Variants in MYZAP observed in about 807,000 individuals in gnomAD.
The protein encoded by MYZAP is myocardial zonula adherens protein.
A neutral mutation model predicts 69.4 loss-of-function variants in MYZAP; 66 were observed. That is an observed-to-expected ratio of 0.95 (90% CI 0.78 to 1.17). MYZAP has a LOEUF of 1.17. MYZAP is among the 50% of genes most tolerant of loss of function. The pLI is 0.00. For missense variants in MYZAP, 611 were observed against 556.2 expected, an observed-to-expected ratio of 1.10 and a Z score of -0.99; for synonymous variants, 256 against 205.9, an observed-to-expected ratio of 1.24 and a Z score of -2.09.
At chr15:57,629,262 C>T (rs550421856) in intron 5 of MYZAP, among the ~76,000 whole-genome samples, 3 of 152,164 alleles carry the variant, frequency 2.0e-5, no homozygotes, top group Non-Finnish European at 2.9e-5. Context: ...CAGATTTCCT[C>T]CTGGTCTTTT....
At chr15:57,596,296 C>T (rs1463533125) in intron 1 of MYZAP, among the ~76,000 whole-genome samples, 2 of 152,198 alleles carry the variant, frequency 1.3e-5, no homozygotes, top group African/African-American at 4.8e-5. Flanking sequence ...GCTGGTGTCA[C>T]TAAGCCCTGG....
At chr15:57,601,292 G>GTC (rs1555455499) in intron 1 of MYZAP, among the ~76,000 whole-genome samples, 1 of 151,684 alleles carries the variant, frequency 6.6e-6, no homozygotes, top group Non-Finnish European at 1.5e-5. Flanking sequence ...GTGTGTGTGT[G>GTC]TGTGTGTGAT....
At chr15:57,600,091 A>G (rs1245893830) in intron 1 of MYZAP, among the ~76,000 whole-genome samples, 1 of 152,250 alleles carries the variant, frequency 6.6e-6, no homozygotes, top group Non-Finnish European at 1.5e-5. Context: ...TTATCAGGGT[A>G]TATTTAAAAA....
chr15:57,624,398 T>C (rs145591107), intron 4 of MYZAP, among the ~76,000 whole-genome samples: 2,245 of 152,220 alleles, frequency 0.015, 29 homozygotes, highest in South Asian at 0.045. Flanking sequence ...CTACCCCATT[T>C]CTTGATTATA....
At chr15:57,641,483 C>G (rs1409256941) in intron 10 of MYZAP, among the ~76,000 whole-genome samples, 3 of 152,042 alleles carry the variant, frequency 2.0e-5, no homozygotes, top group African/African-American at 7.3e-5. Flanking sequence ...TTTTTTCTAC[C>G]TGTGATTTCA....
At chr15:57,681,356 A>G (rs4774281) in intron 12 of MYZAP, among the ~76,000 whole-genome samples, 16,435 of 152,198 alleles carry the variant, frequency 0.11, 1,083 homozygotes, top group Middle Eastern at 0.18. Context: ...TTTGTAATTC[A>G]TATGTGGGGT....
At chr15:57,646,297 G>A in intron 10 of MYZAP, 3 of 1,251,610 alleles carry the variant, frequency 2.4e-6, no homozygotes, top group Admixed American at 2.7e-5. Context: ...TCTATGATGA[G>A]CCAATGAACA....
intron 11 of MYZAP, among the ~76,000 whole-genome samples, chr15:57,673,744 G>A (rs930801931): frequency 4.2e-4 from 64 of 152,132 alleles, no homozygotes; most frequent in Admixed American, 3.0e-3. Context: ...CTTTCAGAGC[G>A]GGAGCTACTG....
Position 57,618,141 on chromosome 15 carries a change from G to T in MYZAP, c.271G>T (p.Gly91Trp). 6.2e-7 allele frequency: 1 copy of T among 1,614,166 alleles called. No homozygotes were observed. The highest frequency in any genetic ancestry group is 8.5e-7 in the Non-Finnish European group (1 of 1,180,024). The change falls in exon 3 of 13, where the codon GGG becomes TGG. Residue 91 changes from glycine to tryptophan, a missense_variant. By Grantham distance (184) the Gly-to-Trp change is radical. Transcript: ENST00000267853. ...TCAGCAGAAAGAAATGGTGGTGTAT[G>T]GGTGGTCCACCAGTCAGCTGAAAGA... ...QNQQKEMVVY[G>W]WSTSQLKEEM...
chr15:57,649,938 A>G (rs1269409319), intron 10 of MYZAP, among the ~76,000 whole-genome samples: 1 of 152,054 alleles, frequency 6.6e-6, no homozygotes, highest in Non-Finnish European at 1.5e-5. Context: ...GTTTCCTTCC[A>G]CTAGAATGTA....
At chr15:57,626,962 C>T (rs1214924728) in intron 5 of MYZAP, among the ~76,000 whole-genome samples, 1 of 152,166 alleles carries the variant, frequency 6.6e-6, no homozygotes, top group Non-Finnish European at 1.5e-5. Flanking sequence ...CAGGCCAAGC[C>T]CCACTGGGTC....
chr15:57,667,650 C>A (rs2038647111), intron 11 of MYZAP, among the ~76,000 whole-genome samples: 2 of 152,158 alleles, frequency 1.3e-5, no homozygotes, highest in Admixed American at 6.5e-5. Flanking sequence ...TTTCTTAAAT[C>A]TGTCCCACGC....
intron 1 of MYZAP, among the ~76,000 whole-genome samples, chr15:57,600,462 C>T (rs1244544368): frequency 6.6e-6 from 1 of 152,136 alleles, no homozygotes; most frequent in African/African-American, 2.4e-5. Flanking sequence ...GGGTATTGCT[C>T]AGTGTGAGAG....
intron 12 of MYZAP, among the ~76,000 whole-genome samples, chr15:57,678,206 CA>C (rs1448641658): frequency 6.6e-6 from 1 of 151,768 alleles, no homozygotes; most frequent in African/African-American, 2.4e-5. Flanking sequence ...TACTAAAATA[CA>C]AAAAATTAGC....
At position 57,632,554 on chromosome 15, in the gene MYZAP, C is replaced by G; in HGVS notation, c.799C>G (p.Leu267Val). The change falls in exon 7 of 13, where the codon CTT becomes GTT. Residue 267 changes from leucine to valine, a missense_variant. By Grantham distance (32) the Leu-to-Val change is conservative. Coordinates refer to ENST00000267853, the MANE Select transcript of MYZAP (RefSeq NM_001018100.5). ...GAAGCACAGTGCTGAGAAGGAGGCT[C>G]TTTTGGTGTGTGTGTTGTAGCTGCC... ...QRKHSAEKEA[L>V]LEETNSFLKA... 1 of 1,613,944 alleles carries G rather than the reference C, an allele frequency of 6.2e-7. No individual in the cohort carries two copies.
At chr15:57,660,583 G>A (rs150649896) in intron 10 of MYZAP, among the ~76,000 whole-genome samples, 2 of 152,322 alleles carry the variant, frequency 1.3e-5, no homozygotes, top group African/African-American at 2.4e-5. Context: ...CCAAAGTGCT[G>A]GGATCATAGG....
intron 12 of MYZAP, among the ~76,000 whole-genome samples, chr15:57,678,104 T>G (rs2039236363): frequency 6.6e-6 from 1 of 150,718 alleles, no homozygotes; most frequent in African/African-American, 2.5e-5. Context: ...GGCTCATACC[T>G]GTAATCCTAG....
chr15:57,613,770 A>T (rs1595866716), intron 2 of MYZAP, among the ~76,000 whole-genome samples: 1 of 152,202 alleles, frequency 6.6e-6, no homozygotes, highest in African/African-American at 2.4e-5. Flanking sequence ...AGCACCAGCA[A>T]CCTCAATACA....
intron 2 of MYZAP, among the ~76,000 whole-genome samples, chr15:57,610,620 A>G (rs1384927941): frequency 6.6e-6 from 1 of 152,218 alleles, no homozygotes; most frequent in Non-Finnish European, 1.5e-5. Context: ...TCTAGCAAAT[A>G]GAAATGTTAG....
Sources: allele counts gnomAD v4.1 joint callset (sites outside exome capture counted in the v4.1 genomes callset), GRCh38; gene constraint gnomAD v4.1.1; transcripts MANE v1.5; gene names NCBI Gene and HGNC (gene_info 2026-07-23, HGNC 2026-07-21).